Variants in PTPRN2 observed in about 807,000 individuals in gnomAD.
PTPRN2 encodes receptor-type tyrosine-protein phosphatase N2.
A neutral mutation model predicts 118.8 loss-of-function variants in PTPRN2; 74 were observed. The observed-to-expected ratio is 0.62, with a 90% CI of 0.52 to 0.76. The LOEUF is 0.76. Among genes scored for constraint, PTPRN2 ranks in the 30% least tolerant of loss-of-function variants. The probability of loss-of-function intolerance (pLI) is 0.00; values close to 1 mark genes in which losing one functional copy is unlikely to be tolerated. For missense variants in PTPRN2, 1,481 were observed against 1,394.4 expected (o/e 1.06, Z -0.99); for synonymous variants, 641 against 608.0 (o/e 1.05, Z -0.80).
At chr7:157,892,906 A>C (rs1250744780) in intron 12 of PTPRN2, among the ~76,000 whole-genome samples, 1 of 152,222 alleles carries the variant, frequency 6.6e-6, no homozygotes, top group Non-Finnish European at 1.5e-5. Context: ...GTTTCCTCTG[A>C]AGGCAGAACC....
intron 12 of PTPRN2, chr7:157,864,602 T>G (rs1027541423): frequency 4.6e-5 from 7 of 152,370 alleles, no homozygotes; most frequent in African/African-American, 1.7e-4. Context: ...AGCTGCCATG[T>G]GGGGCTGGCC....
At chr7:158,119,986 G>A (rs528843193) in intron 9 of PTPRN2, among the ~76,000 whole-genome samples, 6 of 152,306 alleles carry the variant, frequency 3.9e-5, no homozygotes, top group East Asian at 1.9e-4. Flanking sequence ...GGAGCAAAGC[G>A]TGGCCTGCAC....
chr7:157,780,659 G>C lies in PTPRN2; in HGVS notation c.1789-97722C>G, dbSNP rs1191208620. Among the ~76,000 whole-genome samples the C allele has an allele frequency of 1.3e-5, 2 of 152,182 alleles. No individual in the cohort carries two copies. Among genetic ancestry groups the C allele is most frequent in the East Asian group, 3.8e-4 (2 of 5,196 alleles). The stretch of plus-strand genomic sequence containing the variant: ...CCTCAGTTTCCCTGTTTGCACAATG[G>C]GGCTTCACCCATTTCGCAGGGTGGT... On this transcript the variant is annotated intron_variant, in intron 12 of 22. Transcript: ENST00000389418. The surrounding 1 kb of genome is among the most constrained non-coding windows in gnomAD (Gnocchi z 4.5).
intron 12 of PTPRN2, among the ~76,000 whole-genome samples, chr7:157,771,907 C>T (rs931565692): frequency 1.3e-5 from 2 of 150,824 alleles, no homozygotes; most frequent in Non-Finnish European, 3.0e-5. Context: ...CACAAACACA[C>T]ACAGACAAAC....
chr7:157,614,774 G>A (rs1802648489), intron 15 of PTPRN2, among the ~76,000 whole-genome samples: 1 of 152,302 alleles, frequency 6.6e-6, no homozygotes, highest in Middle Eastern at 3.4e-3. Flanking sequence ...CTTAAACAAA[G>A]GGGACCCTTA....
At chr7:157,947,098 C>T (rs977759666) in intron 11 of PTPRN2, among the ~76,000 whole-genome samples, 4 of 152,162 alleles carry the variant, frequency 2.6e-5, no homozygotes, top group African/African-American at 7.2e-5. Flanking sequence ...GGGAGCTGCC[C>T]TGCAGAGCTG....
chr7:157,643,028 C>G (rs569052230), intron 14 of PTPRN2, among the ~76,000 whole-genome samples: 1 of 152,246 alleles, frequency 6.6e-6, no homozygotes, highest in Non-Finnish European at 1.5e-5. Context: ...TACAGGTAGT[C>G]CCCGCTTATG....
At chr7:158,074,237 C>T (rs936519981) in intron 11 of PTPRN2, among the ~76,000 whole-genome samples, 13 of 152,286 alleles carry the variant, frequency 8.5e-5, no homozygotes, top group East Asian at 1.9e-4. Flanking sequence ...CCCCGGCAGC[C>T]GACTGCACCA....
chr7:158,066,449 C>T (rs557694780), intron 11 of PTPRN2, among the ~76,000 whole-genome samples: 3 of 152,360 alleles, frequency 2.0e-5, no homozygotes, highest in South Asian at 4.1e-4. Context: ...CTAAGCTGTG[C>T]TGCTTCCTTT....
intron 1 of PTPRN2, among the ~76,000 whole-genome samples, chr7:158,528,063 C>A (rs1824923708): frequency 6.6e-6 from 1 of 152,240 alleles, no homozygotes; most frequent in African/African-American, 2.4e-5. Flanking sequence ...CGAGGAGCTG[C>A]TCCTGGGTGT....
intron 11 of PTPRN2, among the ~76,000 whole-genome samples, chr7:158,064,764 C>T (rs1810628300): frequency 6.6e-6 from 1 of 152,116 alleles, no homozygotes; most frequent in Non-Finnish European, 1.5e-5. Context: ...GGTCACCCTC[C>T]CCGCAACAGA....
chr7:158,372,280 A>ATGCTGGTCCCCGGAGCTGGTCCCCCCAG (rs1563213005), intron 2 of PTPRN2, among the ~76,000 whole-genome samples: 40 of 139,072 alleles, frequency 2.9e-4, no homozygotes, highest in East Asian at 4.4e-4. Context: ...GATCCCCCCA[A>ATGCTGGTCCCCGGAGCTGGTCCCCCCAG]CGCTGGTCCC....
chr7:157,648,761 C>G (rs564272871), intron 14 of PTPRN2, among the ~76,000 whole-genome samples: 2 of 142,510 alleles, frequency 1.4e-5, no homozygotes, highest in East Asian at 2.6e-4. Flanking sequence ...GCACTGAACT[C>G]GGTGGGTCGG....
At chr7:157,946,722 C>A (rs1041244623) in intron 11 of PTPRN2, among the ~76,000 whole-genome samples, 2 of 152,206 alleles carry the variant, frequency 1.3e-5, no homozygotes, top group Non-Finnish European at 2.9e-5. Context: ...CTTTTGTCCA[C>A]AAAATCACAT....
intron 12 of PTPRN2, among the ~76,000 whole-genome samples, chr7:157,699,339 A>G (rs1371701524): frequency 6.6e-6 from 1 of 152,260 alleles, no homozygotes; most frequent in Admixed American, 6.5e-5. Context: ...ATCACCATCA[A>G]GTGACATTTT....
At chr7:157,772,544 G>A (rs1022670132) in intron 12 of PTPRN2, among the ~76,000 whole-genome samples, 1 of 152,216 alleles carries the variant, frequency 6.6e-6, no homozygotes, top group Non-Finnish European at 1.5e-5. Flanking sequence ...TCCAGGTGCA[G>A]CTCCTGCTCC....
At position 158,517,348 on chromosome 7, in the gene PTPRN2, G is replaced by T. The variant is rs896187271; in HGVS notation, c.113-27563C>A. On this transcript the variant is annotated intron_variant, in intron 1 of 22. Transcript: ENST00000389418. The surrounding 1 kb of genome is among the most constrained non-coding windows in gnomAD (Gnocchi z 5.3). ...AACCGCAGCAACGACACCTATCACC[G>T]CCCACCACAGGCGCACTGTGGGCTG... 6.6e-6 allele frequency among the ~76,000 whole-genome samples: 1 copy of T among 152,170 alleles called. No individual in the cohort carries two copies. Among genetic ancestry groups the T allele is most frequent in the Non-Finnish European group, 1.5e-5 (1 of 68,018 alleles).
At position 158,208,306 on chromosome 7, in the gene PTPRN2, A is replaced by G. The variant is rs112470056; in HGVS notation, c.278-3033T>C. ...GTTCAAGTATAGGAAGGCTATAAGAACACTAAACAGATTCAACCCAAATAA... is the reference window on the plus strand; with the variant it reads ...GTTCAAGTATAGGAAGGCTATAAGAGCACTAAACAGATTCAACCCAAATAA... On this transcript the variant is annotated intron_variant, in intron 3 of 22. Transcript: ENST00000389418. 4.6e-3 allele frequency among the ~76,000 whole-genome samples: 704 copies of G among 152,310 alleles called. 10 individuals are homozygous for G. The highest frequency in any genetic ancestry group is 0.016 in the African/African-American group (660 of 41,578).
intron 12 of PTPRN2, among the ~76,000 whole-genome samples, chr7:157,866,837 C>CT (rs1470942091): frequency 1.5e-5 from 2 of 129,746 alleles, no homozygotes; most frequent in Non-Finnish European, 3.4e-5. Flanking sequence ...ACCGCCCCCC[C>CT]CCGACGCCCT....
Sources: allele counts gnomAD v4.1 joint callset (sites outside exome capture counted in the v4.1 genomes callset), GRCh38; gene constraint gnomAD v4.1.1; non-coding constraint Gnocchi (gnomAD v3.1); transcripts MANE v1.5; gene names NCBI Gene and HGNC (gene_info 2026-07-23, HGNC 2026-07-21).